The following WDR7 variants were observed in gnomAD, a reference collection of about 807,000 sequenced individuals.
WDR7 encodes WD repeat-containing protein 7.
A neutral mutation model predicts 169.4 loss-of-function variants in WDR7; 46 were observed. That is an observed-to-expected ratio of 0.27 (90% CI 0.21 to 0.35). The LOEUF is 0.35. Ranked by LOEUF, WDR7 falls within the 10% of genes least tolerant of loss-of-function variation. The probability of loss-of-function intolerance (pLI) is 1.00; values close to 1 mark genes in which losing one functional copy is unlikely to be tolerated. For synonymous variants in WDR7, 612 were observed against 666.8 expected, an observed-to-expected ratio of 0.92 and a Z score of 1.27; for missense variants, 1,534 against 1,859.3, an observed-to-expected ratio of 0.83 and a Z score of 3.22.
At chr18:57,015,894 C>A (rs987889922) in intron 26 of WDR7, among the ~76,000 whole-genome samples, 4 of 152,198 alleles carry the variant, frequency 2.6e-5, no homozygotes, top group Admixed American at 2.0e-4. Flanking sequence ...TCTGACCTGT[C>A]TTACCTATTT....
chr18:56,823,198 T>C (rs2045130499), intron 20 of WDR7, among the ~76,000 whole-genome samples: 1 of 152,230 alleles, frequency 6.6e-6, no homozygotes, highest in South Asian at 2.1e-4. Context: ...ATCAAATCTG[T>C]ATCTCCAACC....
At chr18:56,858,168 A>G (rs771256674) in intron 20 of WDR7, among the ~76,000 whole-genome samples, 2 of 152,012 alleles carry the variant, frequency 1.3e-5, no homozygotes, top group Non-Finnish European at 2.9e-5. Context: ...ACTTATTTTT[A>G]TTAGCACCAT....
intron 14 of WDR7, among the ~76,000 whole-genome samples, chr18:56,735,952 C>T (rs1432211014): frequency 6.6e-6 from 1 of 152,062 alleles, no homozygotes; most frequent in Non-Finnish European, 1.5e-5. Flanking sequence ...ATATCACGAT[C>T]GTAAGTACAG....
chr18:56,848,047 G>A (rs1337220598), intron 20 of WDR7, among the ~76,000 whole-genome samples: 1 of 152,188 alleles, frequency 6.6e-6, no homozygotes, highest in Non-Finnish European at 1.5e-5. Flanking sequence ...AGATCCATTG[G>A]CAGCATACAC....
chr18:56,831,085 G>A (rs1416446554), intron 20 of WDR7, among the ~76,000 whole-genome samples: 1 of 152,170 alleles, frequency 6.6e-6, no homozygotes, highest in Non-Finnish European at 1.5e-5. Flanking sequence ...GCCTGGGAGA[G>A]TCCCTGTAGG....
intron 1 of WDR7, among the ~76,000 whole-genome samples, chr18:56,660,490 A>G (rs1210322276): frequency 1.3e-5 from 2 of 152,164 alleles, no homozygotes; most frequent in Non-Finnish European, 2.9e-5. Flanking sequence ...CAAATTTGAA[A>G]AAAATCCAAA....
At chr18:56,832,306 C>T (rs970237775) in intron 20 of WDR7, among the ~76,000 whole-genome samples, 3 of 152,194 alleles carry the variant, frequency 2.0e-5, no homozygotes, top group African/African-American at 7.2e-5. Context: ...CTTCTCTGGG[C>T]AGGGCATCTC....
intron 26 of WDR7, among the ~76,000 whole-genome samples, chr18:57,015,877 T>C (rs2048198835): frequency 6.6e-6 from 1 of 152,368 alleles, no homozygotes; most frequent in African/African-American, 2.4e-5. Context: ...ACTGACTGCC[T>C]TGAATTTCTG....
chr18:56,909,445 T>C (rs1311801039), intron 21 of WDR7, among the ~76,000 whole-genome samples: 1 of 152,184 alleles, frequency 6.6e-6, no homozygotes, highest in Non-Finnish European at 1.5e-5. Context: ...TGCACTATTG[T>C]TCTGTGATAT....
chr18:56,997,791 A>G (rs928793282), intron 26 of WDR7, among the ~76,000 whole-genome samples: 34 of 152,234 alleles, frequency 2.2e-4, no homozygotes, highest in Non-Finnish European at 5.9e-5. Context: ...GGCCTATAAC[A>G]GTGGGATGTA....
At chr18:56,853,537 T>A (rs879403063) in intron 20 of WDR7, among the ~76,000 whole-genome samples, 2 of 152,200 alleles carry the variant, frequency 1.3e-5, no homozygotes, top group Non-Finnish European at 2.9e-5. Context: ...ATATTTCGTT[T>A]AATCAGTCAG....
At chr18:56,707,702 C>T (rs1286002228) in intron 12 of WDR7, among the ~76,000 whole-genome samples, 12 of 152,156 alleles carry the variant, frequency 7.9e-5, no homozygotes, top group Admixed American at 7.9e-4. Context: ...GGTTTGACCC[C>T]ATTTATTGCT....
At chr18:57,004,459 C>A (rs10469130) in intron 26 of WDR7, among the ~76,000 whole-genome samples, 28,836 of 152,020 alleles carry the variant, frequency 0.19, 3,587 homozygotes, top group Middle Eastern at 0.32. Flanking sequence ...ATTAAGAATT[C>A]TCTTGGCTTT....
chr18:56,743,308 T>A (rs996740867), intron 14 of WDR7, among the ~76,000 whole-genome samples: 1 of 152,180 alleles, frequency 6.6e-6, no homozygotes, highest in African/African-American at 2.4e-5. Flanking sequence ...GCTGTGGTGA[T>A]GAGACATCCA....
At chr18:56,725,970 T>C (rs2026442098) in intron 13 of WDR7, among the ~76,000 whole-genome samples, 1 of 152,198 alleles carries the variant, frequency 6.6e-6, no homozygotes, top group African/African-American at 2.4e-5. Flanking sequence ...GTTGTAGATG[T>C]GTGGTATTAT....
intron 7 of WDR7, among the ~76,000 whole-genome samples, chr18:56,689,072 G>A (rs1361860587): frequency 6.6e-6 from 1 of 152,094 alleles, no homozygotes; most frequent in African/African-American, 2.4e-5. Flanking sequence ...AAGCCAGATG[G>A]CCAGTAAATG....
chr18:56,825,147 T>G (rs1360570654), intron 20 of WDR7, among the ~76,000 whole-genome samples: 1 of 152,196 alleles, frequency 6.6e-6, no homozygotes, highest in Non-Finnish European at 1.5e-5. Flanking sequence ...TCCTCGTTTC[T>G]AGGATGGATT....
intron 25 of WDR7, among the ~76,000 whole-genome samples, chr18:56,946,205 G>C (rs1392152496): frequency 6.6e-6 from 1 of 152,154 alleles, no homozygotes; most frequent in Non-Finnish European, 1.5e-5. Flanking sequence ...TTTGGCCTAG[G>C]CTGTCTGTTC....
At chr18:56,655,049 T>C (rs1347613851) in intron 1 of WDR7, among the ~76,000 whole-genome samples, 3 of 152,222 alleles carry the variant, frequency 2.0e-5, no homozygotes, top group Non-Finnish European at 4.4e-5. Context: ...AGTAGTATGT[T>C]TTTTCCTCCT....
Sources: gnomAD v4.1 joint callset for allele counts (sites outside exome capture counted in the v4.1 genomes callset) on GRCh38, gnomAD v4.1.1 for gene constraint, MANE v1.5 for transcripts, NCBI Gene and HGNC (gene_info 2026-07-23, HGNC 2026-07-21) for gene names.